The following SDK2 variants were observed in gnomAD, a reference collection of about 807,000 sequenced individuals.
The protein encoded by SDK2 is sidekick cell adhesion molecule 2, also known as protein sidekick-2.
A neutral mutation model predicts 253.9 loss-of-function variants in SDK2; 105 were observed. The ratio of observed to expected loss-of-function variants is 0.41; its 90% CI spans 0.35 to 0.49. The LOEUF (loss-of-function observed/expected upper bound fraction) is 0.49, where lower values mean the gene tolerates loss of function less well. Among genes scored for constraint, SDK2 ranks in the 20% least tolerant of loss-of-function variants. The probability of loss-of-function intolerance (pLI) is 0.06; values close to 1 mark genes in which losing one functional copy is unlikely to be tolerated. For missense variants in SDK2, 2,608 were observed against 3,003.0 expected (o/e 0.87, Z 3.07); for synonymous variants, 1,249 against 1,234.9 (o/e 1.01, Z -0.24).
intron 27 of SDK2, among the ~76,000 whole-genome samples, chr17:73,393,157 ATGGTT>A (rs1037848485): frequency 3.5e-5 from 5 of 141,588 alleles, no homozygotes; most frequent in African/African-American, 1.3e-4. Context: ...AGGCAAGAGA[ATGGTT>A]TGAACCTGGG....
At chr17:73,497,265 C>G (rs538900754) in intron 2 of SDK2, among the ~76,000 whole-genome samples, 3 of 152,310 alleles carry the variant, frequency 2.0e-5, no homozygotes, top group African/African-American at 7.2e-5. Flanking sequence ...AGAACACACC[C>G]TCTTTCCTCC....
At position 73,338,129 on chromosome 17, in the gene SDK2, T is replaced by G; in HGVS notation, c.*458A>C. 1 of 261,524 alleles carries G rather than the reference T, an allele frequency of 3.8e-6. No homozygotes were observed. Among genetic ancestry groups the G allele is most frequent in the African/African-American group, 2.3e-5 (1 of 43,564 alleles). 16.2% of individuals were successfully genotyped at this position (261,524 alleles called of 1,614,324 possible). A position where few individuals can be genotyped will look rare whatever the true frequency, so the allele number is the denominator to read the frequency against. ...ATAGGCGTGGCCTCCGGGATGCCCA[T>G]TCTTTTTGCAGAGAGCAGCGGCAGT... On this transcript the variant is annotated 3_prime_UTR_variant, in exon 45 of 45. Coordinates refer to ENST00000392650, the MANE Select transcript of SDK2 (RefSeq NM_001144952.2). This position sits in a 1 kb window ranked among gnomAD's most constrained non-coding sequence, Gnocchi z 5.0.
chr17:73,568,797 C>G (rs370215131), intron 1 of SDK2, among the ~76,000 whole-genome samples: 2,028 of 151,354 alleles, frequency 0.013, 47 homozygotes, highest in African/African-American at 0.047. Context: ...GGAGAAGAGT[C>G]GTTAAACAGG....
intron 1 of SDK2, chr17:73,521,036 ATTTTTTTTTTTT>A (rs10579123): frequency 1.7e-5 from 2 of 119,492 alleles, no homozygotes; most frequent in Non-Finnish European, 3.5e-5. Context: ...CTTGAAAATG[ATTTTTTTTTTTT>A]TTTTTTTTTT....
chr17:73,437,605 A>C, intron 8 of SDK2, 134 bp downstream of exon 8: 1 of 783,790 alleles, frequency 1.3e-6, no homozygotes, highest in Non-Finnish European at 2.2e-6. Flanking sequence ...GTGCCTGCTC[A>C]GACAGCCAGA....
At chr17:73,355,403 G>C (rs187274230) in intron 40 of SDK2, among the ~76,000 whole-genome samples, 1 of 150,958 alleles carries the variant, frequency 6.6e-6, no homozygotes, top group Admixed American at 6.6e-5. Flanking sequence ...CTGGAGTGCC[G>C]TGACACGATC....
chr17:73,549,512 T>C (rs993499720), intron 1 of SDK2, among the ~76,000 whole-genome samples: 1 of 152,152 alleles, frequency 6.6e-6, no homozygotes, highest in Non-Finnish European at 1.5e-5. Context: ...AAGTTGCTCA[T>C]AGACCAACTG....
chr17:73,438,906 AG>A (rs1474886881), intron 6 of SDK2, among the ~76,000 whole-genome samples: 1 of 152,148 alleles, frequency 6.6e-6, no homozygotes, highest in African/African-American at 2.4e-5. Context: ...CAGCGGCTTG[AG>A]TGACAGTAGC....
intron 36 of SDK2, among the ~76,000 whole-genome samples, chr17:73,372,398 C>T (rs1721393048): frequency 6.6e-6 from 1 of 152,166 alleles, no homozygotes; most frequent in East Asian, 1.9e-4. Context: ...ACCCAAACAC[C>T]TAGAATCATG....
Position 73,464,581 on chromosome 17 carries a change from C to T in SDK2, c.331+7531G>A, listed in dbSNP as rs140786517. Among the ~76,000 whole-genome samples the T allele has an allele frequency of 2.0e-4, 31 of 152,340 alleles. No individual in the cohort carries two copies. In the East Asian group the frequency reaches 5.8e-3, roughly 28 times the overall value. ...TCCCCAAGTTCTCTCCTTCCAGCCTCACCATCTTCCACTTTCTGCTTCCCC... is the reference window on the plus strand; with the variant it reads ...TCCCCAAGTTCTCTCCTTCCAGCCTTACCATCTTCCACTTTCTGCTTCCCC... On this transcript the variant is annotated intron_variant, in intron 3 of 44. Transcript: ENST00000392650.
chr17:73,453,519 AG>A (rs1285257259), intron 4 of SDK2, among the ~76,000 whole-genome samples: 2 of 152,066 alleles, frequency 1.3e-5, no homozygotes. Context: ...CTGGGACTAT[AG>A]GCATGTGCCA....
At position 73,435,605 on chromosome 17, in the gene SDK2, G is replaced by C. The variant is rs1312540461; in HGVS notation, c.1040C>G (p.Ala347Gly). 6.3e-7 allele frequency: 1 copy of C among 1,576,174 alleles called. No individual in the cohort carries two copies. Among genetic ancestry groups the C allele is most frequent in the Non-Finnish European group, 8.6e-7 (1 of 1,160,750 alleles). Reference protein sequence around the residue: ...PPSITWYKDAAVVEVEKLTRF... With the variant: ...PPSITWYKDAGVVEVEKLTRF... ...GGTCAACTTCTCCACCTCCACCACG[G>C]CTGCGTCCTTGTACCAGGTGATGGA... Residue 347 changes from alanine (A) to glycine (G), a missense_variant, in exon 9 of 45, where the codon GCC becomes GGC. This residue lies in a region of SDK2 where 1,505 missense variants were observed against 1,859.1 expected (regional missense o/e 0.81). Transcript: ENST00000392650. This position sits in a 1 kb window ranked among gnomAD's most constrained non-coding sequence, Gnocchi z 5.7.
chr17:73,603,219 G>C (rs959771864), intron 1 of SDK2, among the ~76,000 whole-genome samples: 7 of 152,184 alleles, frequency 4.6e-5, no homozygotes, highest in Non-Finnish European at 1.0e-4. Flanking sequence ...GAGTCTCCAG[G>C]TCCCGGCCTC....
At position 73,401,697 on chromosome 17, in the gene SDK2, C is replaced by G; in HGVS notation, c.2736G>C (p.Lys912Asn). Residue 912 changes from lysine (K) to asparagine (N), a missense_variant, in exon 20 of 45, where the codon AAG becomes AAC. Physicochemically the swap from Lys to Asn is moderately conservative, Grantham distance 94. Around this residue, in one of 2 missense-constraint regions of SDK2, gnomAD observed 1,505 missense variants for 1,859.1 expected, o/e 0.81. Transcript: ENST00000392650. ...SFSEILDTSL[K>N]VSWQEPGEKN... ...TCTCTCCCGGCTCTTGCCAGCTGAC[C>G]TTCAGCGATGTGTCCAGGATCTCAC... 1 of 1,595,418 alleles carries G rather than the reference C, an allele frequency of 6.3e-7. No individual in the cohort carries two copies. The highest frequency in any genetic ancestry group is 8.5e-7 in the Non-Finnish European group (1 of 1,170,278).
At chr17:73,345,623 C>T (rs2062476495) in intron 44 of SDK2, among the ~76,000 whole-genome samples, 2 of 152,158 alleles carry the variant, frequency 1.3e-5, no homozygotes, top group Admixed American at 6.5e-5. Context: ...TCACTTACTC[C>T]TCCCACGTAC....
chr17:73,379,109 C>A lies in SDK2; in HGVS notation c.4980+68G>T. 1 of 1,213,364 alleles carries A rather than the reference C, an allele frequency of 8.2e-7. No homozygotes were observed. Among genetic ancestry groups the A allele is most frequent in the Non-Finnish European group, 1.2e-6 (1 of 847,858 alleles). The allele number at this position is 1,213,364 out of a possible 1,614,324, so 75.2% of individuals were successfully genotyped here. A position where few individuals can be genotyped will look rare whatever the true frequency, so the allele number is the denominator to read the frequency against. ...GGACCTGCCTGCCTCCCACATATCA[C>A]TCACTCCCCAGCCTCCGACCTGGCT... On this transcript the variant is annotated intron_variant, in intron 36 of 44. Coordinates refer to ENST00000392650, the MANE Select transcript of SDK2 (RefSeq NM_001144952.2). The surrounding 1 kb of genome is among the most constrained non-coding windows in gnomAD (Gnocchi z 4.5).
rs1344106532 is a variant in SDK2 at position 73,541,529 on chromosome 17, A to G, written c.65-33932T>C. 6.6e-6 allele frequency among the ~76,000 whole-genome samples: 1 copy of G among 151,854 alleles called. No individual in the cohort carries two copies. The highest frequency in any genetic ancestry group is 1.9e-4 in the East Asian group (1 of 5,162). ...ATTTCACAGACAAGGACCCCGAGAT[A>G]GGTAGAGGGGTGAGTGCCCGTGGTC... On this transcript the variant is annotated intron_variant, in intron 1 of 44. Transcript: ENST00000392650. This position sits in a 1 kb window ranked among gnomAD's most constrained non-coding sequence, Gnocchi z 4.3.
At chr17:73,406,246 C>CTTTTTTTT (rs56122304) in intron 18 of SDK2, among the ~76,000 whole-genome samples, 1 of 139,826 alleles carries the variant, frequency 7.2e-6, no homozygotes, top group Admixed American at 7.3e-5. Context: ...CTACTACACT[C>CTTTTTTTT]TTTTTTTTTT....
chr17:73,396,968 G>A (rs1421901616), intron 24 of SDK2, among the ~76,000 whole-genome samples: 2 of 152,224 alleles, frequency 1.3e-5, no homozygotes, highest in Admixed American at 6.5e-5. Context: ...AGGACTGACG[G>A]CGCCAAGCGC....
Sources: gnomAD v4.1 joint callset for allele counts (sites outside exome capture counted in the v4.1 genomes callset) on GRCh38, gnomAD v4.1.1 for gene constraint, gnomAD v4.1.1 regional missense constraint, Gnocchi (gnomAD v3.1) non-coding constraint, MANE v1.5 for transcripts, NCBI Gene and HGNC (gene_info 2026-07-23, HGNC 2026-07-21) for gene names.